Variants in BRIP1 observed in about 807,000 individuals in gnomAD.
BRIP1 encodes Fanconi anemia group J protein.
In BRIP1, 88 loss-of-function variants were observed where a neutral mutation model predicts 119.7. The observed-to-expected ratio is 0.74, with a 90% confidence interval of 0.62 to 0.88. The LOEUF (loss-of-function observed/expected upper bound fraction) is 0.88. Among genes scored for constraint, BRIP1 ranks in the 40% least tolerant of loss-of-function variants. BRIP1 has a pLI of 0.00. For missense variants in BRIP1, 1,259 were observed against 1,455.4 expected, an observed-to-expected ratio of 0.87 and a Z score of 2.20; for synonymous variants, 443 against 496.5, an observed-to-expected ratio of 0.89 and a Z score of 1.43.
In BRIP1 at chr17:61,736,401, C is replaced by A. The variant is rs1438560438; in HGVS notation, c.2379+6612G>T. ...GCTAATATAGTCAATATAAGATACT[C>A]CCTCCACTTATTATGTTCTACTATG... On this transcript the variant is annotated intron_variant, in intron 16 of 19. Coordinates refer to ENST00000259008, the MANE Select transcript of BRIP1 (RefSeq NM_032043.3). This position sits in a 1 kb window ranked among gnomAD's most constrained non-coding sequence, Gnocchi z 4.4. Among the ~76,000 whole-genome samples the A allele has an allele frequency of 6.6e-6, 1 of 151,842 alleles. No individual in the cohort carries two copies. The highest frequency in any genetic ancestry group is 1.5e-5 in the Non-Finnish European group (1 of 67,898).
At chr17:61,858,769 C>T (rs1029717441) in intron 3 of BRIP1, among the ~76,000 whole-genome samples, 2 of 152,106 alleles carry the variant, frequency 1.3e-5, no homozygotes, top group Non-Finnish European at 2.9e-5. Context: ...CATGTTTAAC[C>T]TCAATTCTCC....
intron 17 of BRIP1, among the ~76,000 whole-genome samples, chr17:61,707,400 C>G (rs2061706727): frequency 6.6e-6 from 1 of 152,056 alleles, no homozygotes; most frequent in Admixed American, 6.6e-5. Flanking sequence ...TTACCTGTGC[C>G]TGAGTGAGCC....
rs961485056 is a variant in BRIP1, at chr17:61,848,684, T to C, written c.507+445A>G. Among the ~76,000 whole-genome samples, 75 of 152,198 alleles carry C rather than the reference T, an allele frequency of 4.9e-4. No individual in the cohort carries two copies. The highest frequency in any genetic ancestry group is 1.8e-3 in the African/African-American group (75 of 41,456). ...AGAAATAAATATACATATTTTATCA[T>C]GTATCAATCTTAAAAACTCAGTAAG... On this transcript the variant is annotated intron_variant, in intron 5 of 19. Coordinates refer to ENST00000259008, the MANE Select transcript of BRIP1 (RefSeq NM_032043.3). The surrounding 1 kb of genome is among the most constrained non-coding windows in gnomAD (Gnocchi z 4.3).
In BRIP1 at chr17:61,822,897, G is replaced by A. The variant is rs771337169; in HGVS notation, c.628-14140C>T. Among the ~76,000 whole-genome samples the A allele has an allele frequency of 3.3e-5, 5 of 152,118 alleles. No homozygotes were observed. Among genetic ancestry groups the A allele is most frequent in the East Asian group, 1.9e-4 (1 of 5,182 alleles). On this transcript the variant is annotated intron_variant, in intron 6 of 19. Coordinates refer to ENST00000259008, the MANE Select transcript of BRIP1 (RefSeq NM_032043.3). The surrounding 1 kb of genome is among the most constrained non-coding windows in gnomAD (Gnocchi z 4.4). ...GTTGAATTAATGGCTAAATTAGGTCGTAAGTTTCAAGAAGGCTGAGGAACT... is the reference window on the plus strand; with the variant it reads ...GTTGAATTAATGGCTAAATTAGGTCATAAGTTTCAAGAAGGCTGAGGAACT...
Position 61,708,134 on chromosome 17 carries a change from CTG to C in BRIP1, c.2492+7815_2492+7816del, listed in dbSNP as rs1279192497. On this transcript the variant is annotated intron_variant, in intron 17 of 19. Transcript: ENST00000259008. The surrounding 1 kb of genome is among the most constrained non-coding windows in gnomAD (Gnocchi z 4.4). Reference sequence around the variant, plus strand: ...AAAAACAAAAAATATGTGACAGAGACTGTATGTAGCCTGCAAAGCCTAAAATA... The same window carrying C: ...AAAAACAAAAAATATGTGACAGAGACTATGTAGCCTGCAAAGCCTAAAATA... 6.6e-6 allele frequency among the ~76,000 whole-genome samples: 1 copy of C among 152,162 alleles called. No homozygotes were observed. The highest frequency in any genetic ancestry group is 1.5e-5 in the Non-Finnish European group (1 of 68,026).
chr17:61,779,801 T>C (rs568269818), intron 13 of BRIP1, among the ~76,000 whole-genome samples: 2 of 151,272 alleles, frequency 1.3e-5, no homozygotes, highest in African/African-American at 4.9e-5. Context: ...ACCAAAAAAA[T>C]AAAAAATTAG....
chr17:61,838,923 T>C (rs992309599), intron 6 of BRIP1, among the ~76,000 whole-genome samples: 4 of 152,042 alleles, frequency 2.6e-5, no homozygotes, highest in Non-Finnish European at 5.9e-5. Context: ...ACTTACGACA[T>C]TAATACACAT....
intron 10 of BRIP1, among the ~76,000 whole-genome samples, chr17:61,787,029 A>AATAAATTTATATAAATTTAT (rs1323358273): frequency 1.7e-5 from 2 of 116,866 alleles, no homozygotes; most frequent in Non-Finnish European, 3.2e-5. Flanking sequence ...TTTATTTATA[A>AATAAATTTATATAAATTTAT]ATAAATTTAT....
chr17:61,707,734 T>A (rs2061712430), intron 17 of BRIP1, among the ~76,000 whole-genome samples: 1 of 151,890 alleles, frequency 6.6e-6, no homozygotes. Context: ...ATATTAAGAT[T>A]TTTTTTTGAA....
At position 61,810,729 on chromosome 17, in the gene BRIP1, G is replaced by A. The variant is rs369546707; in HGVS notation, c.628-1972C>T. Among the ~76,000 whole-genome samples, 95 of 151,662 alleles carry A rather than the reference G, an allele frequency of 6.3e-4. 3 individuals are homozygous for A. The South Asian group carries it at 0.019, about 31-fold the overall frequency. On this transcript the variant is annotated intron_variant, in intron 6 of 19. Coordinates refer to ENST00000259008, the MANE Select transcript of BRIP1 (RefSeq NM_032043.3). The surrounding 1 kb of genome is among the most constrained non-coding windows in gnomAD (Gnocchi z 4.7). ...TCCCTTTAATTTCACCTTTTCTCTT[G>A]GTCAAAAAAATTCAAACAATAATAC...
At chr17:61,727,801 T>C (rs2076788274) in intron 16 of BRIP1, among the ~76,000 whole-genome samples, 1 of 151,596 alleles carries the variant, frequency 6.6e-6, no homozygotes, top group African/African-American at 2.4e-5. Flanking sequence ...TATATATATA[T>C]ATATAATCTT....
intron 6 of BRIP1, among the ~76,000 whole-genome samples, chr17:61,811,332 T>G (rs956953696): frequency 1.3e-5 from 2 of 151,964 alleles, no homozygotes. Flanking sequence ...CCAGCAAGTC[T>G]CCTGCCTCAG....
chr17:61,728,510 A>T lies in BRIP1; in HGVS notation c.2380-12447T>A, dbSNP rs189405916. On this transcript the variant is annotated intron_variant, in intron 16 of 19. Coordinates refer to ENST00000259008, the MANE Select transcript of BRIP1 (RefSeq NM_032043.3). Reference sequence around the variant, plus strand: ...TTAAATGACTAAGCAGAAAAGAGAAAGTTCAAACCAACGTATCCACAGAGC... The same window carrying T: ...TTAAATGACTAAGCAGAAAAGAGAATGTTCAAACCAACGTATCCACAGAGC... 1.3e-4 allele frequency among the ~76,000 whole-genome samples: 20 copies of T among 152,326 alleles called. 1 individual carries two copies. Among genetic ancestry groups the T allele is most frequent in the Admixed American group, 1.0e-3 (16 of 15,302 alleles).
At position 61,814,458 on chromosome 17, in the gene BRIP1, G is replaced by A. The variant is rs1318432105; in HGVS notation, c.628-5701C>T. Among the ~76,000 whole-genome samples the A allele has an allele frequency of 1.3e-5, 2 of 152,004 alleles. No individual in the cohort carries two copies. Among genetic ancestry groups the A allele is most frequent in the African/African-American group, 4.8e-5 (2 of 41,440 alleles). Reference sequence around the variant, plus strand: ...AACCAAGAACAGGCAAATCACAGAAGAGAAAAGCTGAAAGGCTAATAAATA... The same window carrying A: ...AACCAAGAACAGGCAAATCACAGAAAAGAAAAGCTGAAAGGCTAATAAATA... On this transcript the variant is annotated intron_variant, in intron 6 of 19. Transcript: ENST00000259008. This position sits in a 1 kb window ranked among gnomAD's most constrained non-coding sequence, Gnocchi z 4.9.
chr17:61,712,416 G>A lies in BRIP1; in HGVS notation c.2492+3535C>T, dbSNP rs148558195. 8.9e-3 allele frequency among the ~76,000 whole-genome samples: 1,338 copies of A among 150,818 alleles called. 8 individuals are homozygous for A. The highest frequency in any genetic ancestry group is 0.016 in the African/African-American group (659 of 41,164). On this transcript the variant is annotated intron_variant, in intron 17 of 19. Coordinates refer to ENST00000259008, the MANE Select transcript of BRIP1 (RefSeq NM_032043.3). ...TTTAGTAGAGACGGGGTTTCACCAC[G>A]TTGACCAGGCTGATCTCAAACTCCT...
chr17:61,816,474 A>G lies in BRIP1; in HGVS notation c.628-7717T>C, dbSNP rs999724738. Among the ~76,000 whole-genome samples, 7 of 151,996 alleles carry G rather than the reference A, an allele frequency of 4.6e-5. No individual in the cohort carries two copies. The highest frequency in any genetic ancestry group is 8.8e-5 in the Non-Finnish European group (6 of 68,014). ...TGATACCATAAGTGTTTGTTACCCT[A>G]CTCTCCACTTACTGTTTACTTTCTT... is the stretch of plus-strand genomic sequence containing the variant. On this transcript the variant is annotated intron_variant, in intron 6 of 19. Transcript: ENST00000259008. The surrounding 1 kb of genome is among the most constrained non-coding windows in gnomAD (Gnocchi z 5.0).
intron 14 of BRIP1, among the ~76,000 whole-genome samples, chr17:61,772,469 AATAG>A (rs1194970628): frequency 1.3e-5 from 2 of 151,994 alleles, no homozygotes; most frequent in African/African-American, 4.8e-5. Flanking sequence ...AGGTTCTGAA[AATAG>A]ATAGTGGTCT....
intron 10 of BRIP1, among the ~76,000 whole-genome samples, chr17:61,786,185 C>T (rs975989588): frequency 2.6e-5 from 4 of 151,514 alleles, no homozygotes; most frequent in South Asian, 2.1e-4. Flanking sequence ...GAAGAGAGAG[C>T]GCATGAGTGA....
chr17:61,784,738 G>A lies in BRIP1; in HGVS notation c.1474-314C>T, dbSNP rs8078977. 0.78 allele frequency among the ~76,000 whole-genome samples: 118,937 copies of A among 151,946 alleles called. 47,084 individuals carry two copies. Among genetic ancestry groups the A allele is most frequent in the African/African-American group, 0.86 (35,668 of 41,418 alleles). On this transcript the variant is annotated intron_variant, in intron 10 of 19. Transcript: ENST00000259008. Reference sequence around the variant, plus strand: ...GAGAGCTGGTTGTTAGAAAGAGCCTGACACCTCCCTCCCTTCTCTCTCTCG... The same window carrying A: ...GAGAGCTGGTTGTTAGAAAGAGCCTAACACCTCCCTCCCTTCTCTCTCTCG...
Sources: gnomAD v4.1 joint callset for allele counts (sites outside exome capture counted in the v4.1 genomes callset) on GRCh38, gnomAD v4.1.1 for gene constraint, Gnocchi (gnomAD v3.1) non-coding constraint, MANE v1.5 for transcripts, NCBI Gene and HGNC (gene_info 2026-07-23, HGNC 2026-07-21) for gene names.